VTI1A: variants seen among roughly 807,000 people sequenced by gnomAD.
VTI1A encodes the protein vesicle transport through interaction with t-SNAREs homolog 1A.
VTI1A carries 22 observed loss-of-function variants against 34.9 expected under a neutral mutation model. The observed-to-expected ratio is 0.63, with a 90% CI of 0.45 to 0.90. The LOEUF is 0.90. Among genes scored for constraint, VTI1A ranks in the 40% least tolerant of loss-of-function variants. The probability of loss-of-function intolerance (pLI) is 0.00; values close to 1 mark genes in which losing one functional copy is unlikely to be tolerated. For missense variants in VTI1A, 268 were observed against 275.6 expected (o/e 0.97, Z 0.20); for synonymous variants, 87 against 97.3 (o/e 0.89, Z 0.62).
At chr10:112,697,155 T>C (rs986887549) in intron 7 of VTI1A, among the ~76,000 whole-genome samples, 1 of 152,046 alleles carries the variant, frequency 6.6e-6, no homozygotes, top group East Asian at 1.9e-4. Flanking sequence ...AGAAGTGGAA[T>C]TGAAACACAA....
intron 3 of VTI1A, among the ~76,000 whole-genome samples, chr10:112,513,441 A>AT (rs144376034): frequency 0.011 from 1,691 of 152,040 alleles, 31 homozygotes; most frequent in African/African-American, 0.04. Context: ...TTTTGGTGGC[A>AT]TCTTTAGGGT....
chr10:112,809,828 G>A (rs1853222123), intron 7 of VTI1A, among the ~76,000 whole-genome samples: 1 of 152,128 alleles, frequency 6.6e-6, no homozygotes, highest in Non-Finnish European at 1.5e-5. Flanking sequence ...ACTTTTTACT[G>A]GGGACTGTAG....
intron 5 of VTI1A, among the ~76,000 whole-genome samples, chr10:112,642,543 ATGT>A (rs1365312600): frequency 7.2e-5 from 11 of 152,012 alleles, no homozygotes; most frequent in African/African-American, 1.2e-4. Flanking sequence ...GGCTTAAAAA[ATGT>A]TGTATTCATA....
intron 5 of VTI1A, among the ~76,000 whole-genome samples, chr10:112,633,865 A>AT: frequency 6.6e-6 from 1 of 152,316 alleles, no homozygotes. Flanking sequence ...TAAAAAAAAA[A>AT]AAAAGTCATG....
At chr10:112,632,130 G>A (rs1589998348) in intron 5 of VTI1A, among the ~76,000 whole-genome samples, 1 of 152,142 alleles carries the variant, frequency 6.6e-6, no homozygotes, top group East Asian at 1.9e-4. Flanking sequence ...TTGAACCTTT[G>A]TTGGGGCATT....
At chr10:112,594,308 T>G (rs1844529630) in intron 5 of VTI1A, among the ~76,000 whole-genome samples, 1 of 152,144 alleles carries the variant, frequency 6.6e-6, no homozygotes, top group South Asian at 2.1e-4. Context: ...GGATCCTTTT[T>G]TAAAAGCCTG....
Position 112,447,317 on chromosome 10 carries a change from C to T in VTI1A, c.-57C>T, listed in dbSNP as rs1846878418. The stretch of plus-strand genomic sequence containing the variant: ...TAAGCCGCGGGGCCCCTCGCTGCCC[C>T]TCGAGGCCCTTTCCCTGACCTAGGC... On this transcript the variant is annotated 5_prime_UTR_variant, in exon 1 of 8. Transcript: ENST00000393077. The T allele has an allele frequency of 6.4e-7, 1 of 1,570,566 alleles. No individual in the cohort carries two copies. The highest frequency in any genetic ancestry group is 1.4e-5 in the African/African-American group (1 of 73,980).
At chr10:112,733,658 T>C (rs991345059) in intron 7 of VTI1A, among the ~76,000 whole-genome samples, 5 of 152,182 alleles carry the variant, frequency 3.3e-5, no homozygotes, top group Non-Finnish European at 7.3e-5. Flanking sequence ...CTCACTCCTA[T>C]TGTCTAATTG....
At chr10:112,617,775 T>C (rs1589979052) in intron 5 of VTI1A, among the ~76,000 whole-genome samples, 1 of 152,204 alleles carries the variant, frequency 6.6e-6, no homozygotes, top group East Asian at 1.9e-4. Flanking sequence ...CTTGTATTTC[T>C]ATTTAAAAGC....
chr10:112,803,052 C>T (rs1041586081), intron 7 of VTI1A, among the ~76,000 whole-genome samples: 1 of 152,020 alleles, frequency 6.6e-6, no homozygotes, highest in South Asian at 2.1e-4. Context: ...CGTCCCATGC[C>T]CCCTCTTCAT....
intron 7 of VTI1A, among the ~76,000 whole-genome samples, chr10:112,787,724 C>CA (rs1479523399): frequency 2.7e-4 from 29 of 107,930 alleles, no homozygotes; most frequent in Admixed American, 3.9e-4. Context: ...TTTTTTGAGA[C>CA]AGAGTCTCGC....
chr10:112,512,760 A>G (rs1365991833), intron 3 of VTI1A, among the ~76,000 whole-genome samples: 1 of 152,078 alleles, frequency 6.6e-6, no homozygotes, highest in Admixed American at 6.6e-5. Flanking sequence ...TCTTCTACAT[A>G]TGGATAGCTG....
intron 5 of VTI1A, among the ~76,000 whole-genome samples, chr10:112,580,101 T>C (rs1346094961): frequency 1.3e-5 from 2 of 152,040 alleles, no homozygotes; most frequent in East Asian, 3.9e-4. Flanking sequence ...GGCCTAGAGG[T>C]GGAAACTGGT....
the VTI1A span, among the ~76,000 whole-genome samples, chr10:112,845,632 G>A: frequency 1.3e-5 from 2 of 152,206 alleles, no homozygotes; most frequent in African/African-American, 4.8e-5. Flanking sequence ...CTGAGCTGGA[G>A]GAAAAGCCTC....
intron 7 of VTI1A, among the ~76,000 whole-genome samples, chr10:112,699,826 TC>T (rs1396291971): frequency 2.5e-5 from 3 of 121,392 alleles, no homozygotes; most frequent in Non-Finnish European, 3.3e-5. Flanking sequence ...AAACTCCGTC[TC>T]AAAAAAAAAA....
chr10:112,743,697 C>G (rs997449342), intron 7 of VTI1A, among the ~76,000 whole-genome samples: 2 of 152,288 alleles, frequency 1.3e-5, no homozygotes, highest in Middle Eastern at 6.8e-3. Context: ...TTTCAGGAAC[C>G]TCCCACCCCA....
chr10:112,494,935 A>G (rs1177714122), intron 3 of VTI1A, among the ~76,000 whole-genome samples: 1 of 152,182 alleles, frequency 6.6e-6, no homozygotes, highest in East Asian at 1.9e-4. Context: ...TAATGTTAAT[A>G]TTGGGCTATA....
chr10:112,763,939 C>T (rs888896561), intron 7 of VTI1A, among the ~76,000 whole-genome samples: 3 of 152,150 alleles, frequency 2.0e-5, no homozygotes, highest in East Asian at 1.9e-4. Context: ...GTCTGATTCA[C>T]GCCAGAGCAC....
chr10:112,554,962 C>T (rs1851492336), intron 5 of VTI1A, among the ~76,000 whole-genome samples: 1 of 152,052 alleles, frequency 6.6e-6, no homozygotes, highest in African/African-American at 2.4e-5. Context: ...TCCCCACATG[C>T]CCATCTTCAA....
Sources: allele counts gnomAD v4.1 joint callset (sites outside exome capture counted in the v4.1 genomes callset), GRCh38; gene constraint gnomAD v4.1.1; transcripts MANE v1.5; gene names NCBI Gene and HGNC (gene_info 2026-07-23, HGNC 2026-07-21).